PRKCB: variants seen among roughly 807,000 people sequenced by gnomAD.
The protein encoded by PRKCB is protein kinase C beta type.
In PRKCB, 13 loss-of-function variants were observed where a neutral mutation model predicts 81.5. The ratio of observed to expected loss-of-function variants is 0.16; its 90% CI spans 0.10 to 0.25. The LOEUF (loss-of-function observed/expected upper bound fraction) is 0.25. PRKCB is among the 10% of genes least tolerant of loss of function. The pLI, the probability that PRKCB is intolerant of heterozygous loss-of-function variation, is 1.00. For missense variants in PRKCB, 509 were observed against 875.7 expected, an observed-to-expected ratio of 0.58 and a Z score of 5.29; for synonymous variants, 335 against 321.4, an observed-to-expected ratio of 1.04 and a Z score of -0.45.
chr16:23,923,285 G>A (rs2141747951), intron 2 of PRKCB, among the ~76,000 whole-genome samples: 1 of 152,082 alleles, frequency 6.6e-6, no homozygotes, highest in South Asian at 2.1e-4. Context: ...TTCCATCTCT[G>A]CTTATGTATT....
At chr16:24,062,055 C>T (rs1965981347) in intron 5 of PRKCB, among the ~76,000 whole-genome samples, 1 of 152,194 alleles carries the variant, frequency 6.6e-6, no homozygotes, top group Non-Finnish European at 1.5e-5. Flanking sequence ...TCCCAACCCA[C>T]TGCTATGTTG....
chr16:23,860,919 T>A lies in PRKCB; in HGVS notation c.205+23513T>A, dbSNP rs115452956. Among the ~76,000 whole-genome samples, 1,171 of 151,836 alleles carry A rather than the reference T, an allele frequency of 7.7e-3. 17 individuals carry two copies. The highest frequency in any genetic ancestry group is 0.026 in the African/African-American group (1,073 of 41,382). On this transcript the variant is annotated intron_variant, in intron 2 of 16. Transcript: ENST00000643927. ...AGACTCAGTATAAAAAAGAAAAAAATGTTTTTTTCTTTTAATTCTTCGGGT... is the reference window on the plus strand; with the variant it reads ...AGACTCAGTATAAAAAAGAAAAAAAAGTTTTTTTCTTTTAATTCTTCGGGT...
Position 24,179,044 on chromosome 16 carries a change from C to A in PRKCB, c.1395-1746C>A, listed in dbSNP as rs114198910. On this transcript the variant is annotated intron_variant, in intron 12 of 16. Transcript: ENST00000643927. ...TAGATTGCTTCTTTTCATCTGGTGA[C>A]CCCTGGAGTTTCTAGACTTCCATAA... Among the ~76,000 whole-genome samples, 877 of 152,262 alleles carry A rather than the reference C, an allele frequency of 5.8e-3. 5 individuals carry two copies. The highest frequency in any genetic ancestry group is 0.02 in the African/African-American group (816 of 41,552).
At chr16:23,876,443 TC>T (rs1230411263) in intron 2 of PRKCB, among the ~76,000 whole-genome samples, 3 of 152,014 alleles carry the variant, frequency 2.0e-5, no homozygotes, top group Non-Finnish European at 4.4e-5. Flanking sequence ...ACATCACACT[TC>T]CCCCGTCCAC....
chr16:24,184,711 TTTAA>T (rs1310757287), intron 13 of PRKCB, among the ~76,000 whole-genome samples: 2 of 152,226 alleles, frequency 1.3e-5, no homozygotes, highest in East Asian at 1.9e-4. Context: ...CGTTTTTATG[TTTAA>T]TTATGTTTTA....
At chr16:23,944,472 A>T (rs1323504732) in intron 2 of PRKCB, among the ~76,000 whole-genome samples, 2 of 152,166 alleles carry the variant, frequency 1.3e-5, no homozygotes, top group Non-Finnish European at 2.9e-5. Context: ...TGAATCATCA[A>T]AGTCAAATGT....
At chr16:23,945,473 G>A (rs72778001) in intron 2 of PRKCB, among the ~76,000 whole-genome samples, 14,508 of 152,246 alleles carry the variant, frequency 0.095, 954 homozygotes, top group South Asian at 0.17. Flanking sequence ...CAGCCCTTCT[G>A]GAGGGATGGG....
rs1198645525 is a variant in PRKCB at position 23,836,044 on chromosome 16, C to G, written c.-132C>G. ...GCTCCGCGCGCCGCGGCCGCCAGAG[C>G]CGGCGCAGGGGAAGCGCCCGCGGCC... On this transcript the variant is annotated 5_prime_UTR_variant, in exon 1 of 17. Coordinates refer to ENST00000643927, the MANE Select transcript of PRKCB (RefSeq NM_002738.7). 1.6e-5 allele frequency: 9 copies of G among 567,464 alleles called. No homozygotes were observed. The highest frequency in any genetic ancestry group is 2.2e-6 in the Non-Finnish European group (1 of 449,454). The allele number at this position is 567,464 out of a possible 1,614,324, so 35.2% of individuals were successfully genotyped here.
In PRKCB at chr16:24,185,356, T is replaced by C. The variant is rs921565737; in HGVS notation, c.1615-104T>C. 16 of 1,233,358 alleles carry C rather than the reference T, an allele frequency of 1.3e-5. No homozygotes were observed. The Admixed American group carries it at 2.4e-4, about 18-fold the overall frequency. 76.4% of individuals were successfully genotyped at this position (1,233,358 alleles called of 1,614,324 possible). On this transcript the variant is annotated intron_variant, in intron 14 of 16. Transcript: ENST00000643927. ...GTGGTCATTTGAAAGCCTGGGTGTGTGGCTTCACTGTGGGCCCCAGGGAGG... is the reference window on the plus strand; with the variant it reads ...GTGGTCATTTGAAAGCCTGGGTGTGCGGCTTCACTGTGGGCCCCAGGGAGG...
At chr16:24,129,002 T>C (rs1966849162) in intron 9 of PRKCB, among the ~76,000 whole-genome samples, 1 of 152,180 alleles carries the variant, frequency 6.6e-6, no homozygotes, top group African/African-American at 2.4e-5. Flanking sequence ...CCTTATAAAG[T>C]AAATACAGCA....
intron 9 of PRKCB, among the ~76,000 whole-genome samples, chr16:24,135,163 C>A (rs972005643): frequency 6.6e-6 from 1 of 151,938 alleles, no homozygotes; most frequent in Non-Finnish European, 1.5e-5. Context: ...ATGGAGAAGT[C>A]AGCCCTATGT....
At chr16:24,189,655 AAAAAAAAGAAGT>A (rs1295311798) in intron 15 of PRKCB, among the ~76,000 whole-genome samples, 1 of 151,906 alleles carries the variant, frequency 6.6e-6, no homozygotes, top group Non-Finnish European at 1.5e-5. Context: ...AAAAAAAAAA[AAAAAAAAGAAGT>A]AGCTAGCTTA....
chr16:24,026,127 G>T (rs1241869978), intron 3 of PRKCB, among the ~76,000 whole-genome samples: 1 of 152,086 alleles, frequency 6.6e-6, no homozygotes, highest in Admixed American at 6.6e-5. Flanking sequence ...CAAAAACCCT[G>T]TCTCTACAAA....
intron 12 of PRKCB, 39 bp from the exon 13 acceptor site, chr16:24,180,751 G>A (rs756459506): frequency 2.5e-6 from 4 of 1,602,856 alleles, no homozygotes; most frequent in African/African-American, 2.7e-5. Flanking sequence ...GAAATGCATA[G>A]CGTTTAATTA....
intron 3 of PRKCB, among the ~76,000 whole-genome samples, chr16:24,022,744 C>T (rs1287388292): frequency 2.6e-5 from 4 of 152,216 alleles, no homozygotes; most frequent in African/African-American, 7.2e-5. Context: ...CCGCCTGCCT[C>T]GGACTCCCAA....
At chr16:24,116,004 G>A (rs1966733841) in intron 8 of PRKCB, among the ~76,000 whole-genome samples, 1 of 151,622 alleles carries the variant, frequency 6.6e-6, no homozygotes, top group Non-Finnish European at 1.5e-5. Flanking sequence ...GATTACAGGC[G>A]TGATATCCCA....
chr16:24,181,093 T>C (rs1967614728), intron 13 of PRKCB, among the ~76,000 whole-genome samples, 165 bp downstream of exon 13: 1 of 152,184 alleles, frequency 6.6e-6, no homozygotes, highest in Non-Finnish European at 1.5e-5. Context: ...ACATGCAAAT[T>C]AATTTAGCAC....
intron 2 of PRKCB, among the ~76,000 whole-genome samples, chr16:23,864,519 CA>C (rs1191350125): frequency 6.6e-6 from 1 of 152,124 alleles, no homozygotes; most frequent in African/African-American, 2.4e-5. Flanking sequence ...AGATAATAAA[CA>C]AGATTACAAA....
intron 3 of PRKCB, among the ~76,000 whole-genome samples, chr16:23,994,406 A>C (rs1964929663): frequency 6.6e-6 from 1 of 152,234 alleles, no homozygotes; most frequent in Non-Finnish European, 1.5e-5. Context: ...TTTGACCTGT[A>C]GAGTGAGGCC....
Sources: gnomAD v4.1 joint callset for allele counts (sites outside exome capture counted in the v4.1 genomes callset) on GRCh38, gnomAD v4.1.1 for gene constraint, MANE v1.5 for transcripts, NCBI Gene and HGNC (gene_info 2026-07-23, HGNC 2026-07-21) for gene names.